The following PIAS1 variants were observed in gnomAD, a reference collection of about 807,000 sequenced individuals.
The protein encoded by PIAS1 is E3 SUMO-protein ligase PIAS1.
Under a neutral mutation model 71.3 loss-of-function variants are expected in PIAS1, and 6 were observed. That is an observed-to-expected ratio of 0.08 (90% CI 0.05 to 0.17). The LOEUF (loss-of-function observed/expected upper bound fraction) is 0.17, where lower values mean the gene tolerates loss of function less well. Ranked by LOEUF, PIAS1 falls within the 10% of genes least tolerant of loss-of-function variation. The pLI is 1.00. For synonymous variants in PIAS1, 303 were observed against 292.9 expected, an observed-to-expected ratio of 1.03 and a Z score of -0.35; for missense variants, 555 against 793.6, an observed-to-expected ratio of 0.70 and a Z score of 3.61.
chr15:68,068,893 C>CTTTTT (rs11298983), intron 1 of PIAS1, among the ~76,000 whole-genome samples: 2 of 76,656 alleles, frequency 2.6e-5, no homozygotes, highest in African/African-American at 5.0e-5. Context: ...TGTTTTTGTC[C>CTTTTT]TTTTTTTTTT....
chr15:68,124,839 A>G (rs370945391), intron 2 of PIAS1, among the ~76,000 whole-genome samples: 7 of 152,202 alleles, frequency 4.6e-5, no homozygotes, highest in African/African-American at 1.7e-4. Context: ...CTGTCTTTCT[A>G]GGGGCAAGTA....
chr15:68,089,755 C>T (rs1291155050), intron 2 of PIAS1, among the ~76,000 whole-genome samples: 1 of 152,052 alleles, frequency 6.6e-6, no homozygotes, highest in Non-Finnish European at 1.5e-5. Flanking sequence ...AGGGTTTCAC[C>T]ATGTTGGCCA....
At chr15:68,064,181 G>A (rs1233585431) in intron 1 of PIAS1, among the ~76,000 whole-genome samples, 1 of 152,034 alleles carries the variant, frequency 6.6e-6, no homozygotes, top group Non-Finnish European at 1.5e-5. Context: ...AGGGTATTTG[G>A]CATACATTTT....
intron 2 of PIAS1, among the ~76,000 whole-genome samples, chr15:68,118,982 ACAAT>A (rs1449507904): frequency 6.6e-6 from 1 of 152,048 alleles, no homozygotes; most frequent in Non-Finnish European, 1.5e-5. Context: ...AGCAAAGGAA[ACAAT>A]CAAGAGAGCA....
At chr15:68,145,956 A>G (rs770172261) in intron 5 of PIAS1, 50 bp downstream of exon 5, 1 of 1,025,262 alleles carries the variant, frequency 9.8e-7, no homozygotes, top group South Asian at 1.3e-5. Context: ...ATAACTATCA[A>G]ATAAGTCATC....
chr15:68,082,203 C>CT (rs2092235702), intron 1 of PIAS1, among the ~76,000 whole-genome samples: 1 of 152,136 alleles, frequency 6.6e-6, no homozygotes, highest in African/African-American at 2.4e-5. Context: ...CACATGCCCC[C>CT]TTTCTCAGAA....
chr15:68,107,797 A>G (rs896311117), intron 2 of PIAS1, among the ~76,000 whole-genome samples: 5 of 144,026 alleles, frequency 3.5e-5, no homozygotes, highest in African/African-American at 1.1e-4. Flanking sequence ...CACATTTAAG[A>G]AAAAAAAAAA....
intron 2 of PIAS1, among the ~76,000 whole-genome samples, chr15:68,125,532 C>T (rs1406293533): frequency 1.3e-5 from 2 of 152,096 alleles, no homozygotes; most frequent in Non-Finnish European, 2.9e-5. Context: ...TTAAATAAAG[C>T]ATGCCTGAAA....
At position 68,057,385 on chromosome 15, in the gene PIAS1, G is replaced by A. The variant is rs2091907646; in HGVS notation, c.24+3035G>A. Reference sequence around the variant, plus strand: ...GATCTTGGTAGTTAATAAGCTGACAGCTTCATGAAACTCCTCTTAAAGTAA... The same window carrying A: ...GATCTTGGTAGTTAATAAGCTGACAACTTCATGAAACTCCTCTTAAAGTAA... On this transcript the variant is annotated intron_variant, in intron 1 of 13. Transcript: ENST00000249636. 4 of 359,036 alleles carry A rather than the reference G, an allele frequency of 1.1e-5. 1 individual carries two copies. Among genetic ancestry groups the A allele is most frequent in the South Asian group, 4.3e-5 (2 of 46,386 alleles). 22.2% of individuals were successfully genotyped at this position (359,036 alleles called of 1,614,324 possible).
At position 68,146,666 on chromosome 15, in the gene PIAS1, C is replaced by T. The variant is rs756670514; in HGVS notation, c.794C>T (p.Thr265Met). 4.3e-6 allele frequency: 7 copies of T among 1,612,238 alleles called. No individual in the cohort carries two copies. The highest frequency in any genetic ancestry group is 5.1e-6 in the Non-Finnish European group (6 of 1,178,790). Reference protein sequence around the residue: ...LVRLSTTVPNTIVVSWTAEIG... With the variant: ...LVRLSTTVPNMIVVSWTAEIG... Reference sequence around the variant, plus strand: ...CGACTGTCCACAACAGTACCAAACACGATTGTTGTTTCTTGGACTGCAGAA... The same window carrying T: ...CGACTGTCCACAACAGTACCAAACATGATTGTTGTTTCTTGGACTGCAGAA... The change falls in exon 6 of 14, where the codon ACG (threonine) becomes ATG (methionine). Residue 265 changes from threonine to methionine, a missense_variant. Thr to Met is a moderately conservative substitution (Grantham distance 81). This residue lies in a region of PIAS1 where 134 missense variants were observed against 203.4 expected (regional missense o/e 0.66). Transcript: ENST00000249636.
Position 68,182,449 on chromosome 15 carries a change from TG to T in PIAS1, c.1624+1096del, listed in dbSNP as rs2093059798. Among the ~76,000 whole-genome samples the T allele has an allele frequency of 2.1e-5, 3 of 145,290 alleles. 1 individual carries two copies. The highest frequency in any genetic ancestry group is 7.6e-5 in the African/African-American group (3 of 39,326). On this transcript the variant is annotated intron_variant, in intron 12 of 13. Coordinates refer to ENST00000249636, the MANE Select transcript of PIAS1 (RefSeq NM_016166.3). ...TAGTGTGTGTGTGTGTGTGTGTGTG[TG>T]TGTGTGTGTGTCGGAGTTTTGCTCT...
chr15:68,128,509 G>A (rs1295235278), intron 2 of PIAS1, among the ~76,000 whole-genome samples: 2 of 152,178 alleles, frequency 1.3e-5, no homozygotes, highest in Admixed American at 1.3e-4. Context: ...ATTGGTTGTT[G>A]GCTAGGGTGT....
chr15:68,099,960 T>C (rs2092409105), intron 2 of PIAS1, among the ~76,000 whole-genome samples: 1 of 152,286 alleles, frequency 6.6e-6, no homozygotes, highest in East Asian at 1.9e-4. Flanking sequence ...TGTGCATATT[T>C]TTCTCATTCT....
chr15:68,116,638 C>T (rs1243175915), intron 2 of PIAS1, among the ~76,000 whole-genome samples: 1 of 151,890 alleles, frequency 6.6e-6, no homozygotes, highest in African/African-American at 2.4e-5. Flanking sequence ...CATTTCTCTT[C>T]TCTTTTTTTA....
At chr15:68,132,414 G>A (rs1172591348) in intron 2 of PIAS1, among the ~76,000 whole-genome samples, 2 of 152,038 alleles carry the variant, frequency 1.3e-5, no homozygotes, top group Non-Finnish European at 2.9e-5. Flanking sequence ...GGTGGAGGTT[G>A]CAGTGAGCCG....
intron 1 of PIAS1, chr15:68,057,689 T>G (rs2091911709): frequency 4.1e-6 from 1 of 241,108 alleles, no homozygotes; most frequent in Non-Finnish European, 8.3e-6. Context: ...TAGAGTCAAG[T>G]ACATCTGATA....
intron 2 of PIAS1, among the ~76,000 whole-genome samples, chr15:68,113,610 G>A (rs1258558122): frequency 6.6e-6 from 1 of 152,030 alleles, no homozygotes; most frequent in Non-Finnish European, 1.5e-5. Context: ...AGACTCCTTT[G>A]ATTAAGTCTA....
Position 68,054,512 on chromosome 15 carries a change from G to A in PIAS1, c.24+162G>A. The stretch of plus-strand genomic sequence containing the variant: ...CGCCCGGTCTCAGCAGAGGGGGCCC[G>A]CCTGCGGCGGGCCGCGGGCCCCGGG... On this transcript the variant is annotated intron_variant, in intron 1 of 13. Transcript: ENST00000249636. The surrounding 1 kb of genome is among the most constrained non-coding windows in gnomAD (Gnocchi z 4.6). The A allele has an allele frequency of 3.2e-6, 2 of 626,010 alleles. No homozygotes were observed. 38.8% of individuals were successfully genotyped at this position (626,010 alleles called of 1,614,324 possible). A position where few individuals can be genotyped will look rare whatever the true frequency, so the allele number is the denominator to read the frequency against.
At chr15:68,117,852 C>T (rs79624818) in intron 2 of PIAS1, among the ~76,000 whole-genome samples, 3,841 of 152,204 alleles carry the variant, frequency 0.025, 74 homozygotes, top group Middle Eastern at 0.065. Context: ...GATTTCATTT[C>T]CTTTGGGTGT....
Sources: gnomAD v4.1 joint callset for allele counts (sites outside exome capture counted in the v4.1 genomes callset) on GRCh38, gnomAD v4.1.1 for gene constraint, gnomAD v4.1.1 regional missense constraint, Gnocchi (gnomAD v3.1) non-coding constraint, MANE v1.5 for transcripts, NCBI Gene and HGNC (gene_info 2026-07-23, HGNC 2026-07-21) for gene names.